Variants in CDADC1 observed in about 807,000 individuals in gnomAD.
The protein encoded by CDADC1 is dCTP deaminase.
CDADC1 carries 39 observed loss-of-function variants against 54.9 expected under a neutral mutation model. The observed-to-expected ratio is 0.71, with a 90% confidence interval of 0.55 to 0.93. The LOEUF (loss-of-function observed/expected upper bound fraction) is 0.93, where lower values mean the gene tolerates loss of function less well. Ranked by LOEUF, CDADC1 falls within the 40% of genes least tolerant of loss-of-function variation. The pLI is 0.00. For missense variants in CDADC1, 518 were observed against 618.8 expected (o/e 0.84, Z 1.73); for synonymous variants, 186 against 204.0 (o/e 0.91, Z 0.75).
chr13:49,259,247 TAAAC>T (rs915970163), intron 3 of CDADC1, 95 bp from the exon 4 acceptor site: 4 of 863,400 alleles, frequency 4.6e-6, no homozygotes, highest in South Asian at 2.3e-5. Context: ...GATAAAGAAT[TAAAC>T]AAAACTTCCA....
intron 4 of CDADC1, 66 bp from the exon 5 acceptor site, chr13:49,267,424 A>AT: frequency 7.7e-7 from 1 of 1,296,936 alleles, no homozygotes; most frequent in South Asian, 1.4e-5. Flanking sequence ...GATAGGGTGG[A>AT]TTTTATAATG....
At chr13:49,272,346 T>C (rs1952988636) in intron 5 of CDADC1, among the ~76,000 whole-genome samples, 1 of 152,230 alleles carries the variant, frequency 6.6e-6, no homozygotes, top group Non-Finnish European at 1.5e-5. Flanking sequence ...ATTTGTATTC[T>C]TGCCCACTCA....
chr13:49,249,326 A>G (rs1356734232), intron 2 of CDADC1, among the ~76,000 whole-genome samples: 1 of 152,230 alleles, frequency 6.6e-6, no homozygotes. Context: ...GATAGAGACC[A>G]TGTCTTATTT....
intron 8 of CDADC1, among the ~76,000 whole-genome samples, chr13:49,285,256 G>T (rs1281256510): frequency 1.4e-5 from 2 of 147,516 alleles, no homozygotes; most frequent in Non-Finnish European, 3.0e-5. Context: ...TCGGCTCACT[G>T]CAAGCTCCAC....
intron 8 of CDADC1, among the ~76,000 whole-genome samples, chr13:49,282,756 G>A (rs1302672278): frequency 1.3e-5 from 2 of 152,214 alleles, no homozygotes; most frequent in Non-Finnish European, 2.9e-5. Flanking sequence ...TCTGCCTCCG[G>A]CCAGATCAGC....
At position 49,248,905 on chromosome 13, in the gene CDADC1, C is replaced by A. The variant is rs758344803; in HGVS notation, c.117C>A (p.Phe39Leu). 1.9e-6 allele frequency: 3 copies of A among 1,612,502 alleles called. No individual in the cohort carries two copies. Among genetic ancestry groups the A allele is most frequent in the Admixed American group, 1.7e-5 (1 of 59,992 alleles). ...QIPRLSKVNLFTLLSLWMELF... is the reference protein window; with the variant it reads ...QIPRLSKVNLLTLLSLWMELF... ...CAAGGCTTTCTAAAGTCAACCTTTT[C>A]ACTCTGCTCAGCCTCTGGATGGAGC... is the stretch of plus-strand genomic sequence containing the variant. The change falls in exon 2 of 10, where the codon TTC becomes TTA. Residue 39 changes from phenylalanine to leucine, a missense_variant. Phe to Leu is a conservative substitution (Grantham distance 22, BLOSUM62 0). Transcript: ENST00000251108.
chr13:49,278,327 C>T (rs944785166), intron 6 of CDADC1, 23 bp from the exon 7 acceptor site: 1 of 1,473,660 alleles, frequency 6.8e-7, no homozygotes, highest in Non-Finnish European at 9.1e-7. Flanking sequence ...TGAAACTAAC[C>T]ATTGGTTTGC....
chr13:49,278,491 C>T lies in CDADC1; in HGVS notation c.1192C>T (p.His398Tyr). ...AATAAGGAAATTCAGATACATCATA[C>T]ATGCGGAACAGAATGCCTTGACATT... is the stretch of plus-strand genomic sequence containing the variant. Reference protein sequence around the residue: ...REIRKFRYIIHAEQNALTFRC... With the variant: ...REIRKFRYIIYAEQNALTFRC... Residue 398 changes from histidine to tyrosine, a missense_variant, in exon 7 of 10, where the codon CAT becomes TAT. By Grantham distance (83) the His-to-Tyr change is moderately conservative. Coordinates refer to ENST00000251108, the MANE Select transcript of CDADC1 (RefSeq NM_030911.4). 1 of 1,572,106 alleles carries T rather than the reference C, an allele frequency of 6.4e-7. No homozygotes were observed. The highest frequency in any genetic ancestry group is 8.7e-7 in the Non-Finnish European group (1 of 1,149,728).
chr13:49,283,383 C>A (rs563164079), intron 8 of CDADC1, among the ~76,000 whole-genome samples: 2 of 151,798 alleles, frequency 1.3e-5, no homozygotes, highest in East Asian at 2.0e-4. Flanking sequence ...GGGAAAGATA[C>A]CTTTTTTGTA....
intron 6 of CDADC1, among the ~76,000 whole-genome samples, chr13:49,275,798 C>G (rs1302942291): frequency 1.9e-4 from 21 of 111,376 alleles, no homozygotes; most frequent in South Asian, 3.1e-4. Flanking sequence ...GAGAGAGAGT[C>G]TCACTCTGTT....
intron 9 of CDADC1, among the ~76,000 whole-genome samples, chr13:49,287,414 A>T (rs1271120920): frequency 6.6e-6 from 1 of 152,204 alleles, no homozygotes; most frequent in Non-Finnish European, 1.5e-5. Flanking sequence ...TTTGGAAAAA[A>T]GTACATATCC....
At position 49,255,885 on chromosome 13, in the gene CDADC1, G is replaced by A. The variant is rs144018046; in HGVS notation, c.224G>A (p.Arg75Lys). 5.6e-6 allele frequency: 9 copies of A among 1,611,382 alleles called. No individual in the cohort carries two copies. The African/African-American group carries it at 1.1e-4, about 19-fold the overall frequency. The change falls in exon 3 of 10, where the codon AGG (arginine) becomes AAG (lysine). Residue 75 changes from arginine to lysine, a missense_variant. By Grantham distance (26) the Arg-to-Lys change is conservative. Coordinates refer to ENST00000251108, the MANE Select transcript of CDADC1 (RefSeq NM_030911.4). ...GGACCCTTAGGAGATAATGAAGAGAGGACCAGAGTATCTACTGACAAAAGA... is the reference window on the plus strand; with the variant it reads ...GGACCCTTAGGAGATAATGAAGAGAAGACCAGAGTATCTACTGACAAAAGA... Reference protein sequence around the residue: ...KHGPLGDNEERTRVSTDKRQV... With the variant: ...KHGPLGDNEEKTRVSTDKRQV...
chr13:49,274,391 A>G (rs772502156), intron 6 of CDADC1, 51 bp downstream of exon 6: 26 of 1,480,516 alleles, frequency 1.8e-5, no homozygotes, highest in Admixed American at 5.1e-5. Context: ...TTGTTTAAAC[A>G]TAGTTCAGTC....
At chr13:49,254,648 G>A (rs1039809284) in intron 2 of CDADC1, among the ~76,000 whole-genome samples, 4 of 152,052 alleles carry the variant, frequency 2.6e-5, no homozygotes, top group Admixed American at 1.3e-4. Flanking sequence ...TGATCTGTCC[G>A]CCTTAGCCTC....
Position 49,280,536 on chromosome 13 carries a change from A to G in CDADC1, c.1248A>G (p.Arg416=). The part of the protein sequence containing the change: ...FRCQEIKPEE[R]SMIFVTKCPC... ...GTCAAGAAATAAAACCAGAAGAAAG[A>G]AGCATGATTTTTGTGACAAAGTGCC... Residue 416 remains arginine (R), a synonymous_variant, in exon 8 of 10, where the codon AGA becomes AGG. Coordinates refer to ENST00000251108, the MANE Select transcript of CDADC1 (RefSeq NM_030911.4). 1 of 1,454,722 alleles carries G rather than the reference A, an allele frequency of 6.9e-7. No homozygotes were observed. The highest frequency in any genetic ancestry group is 9.1e-7 in the Non-Finnish European group (1 of 1,097,854). 90.1% of individuals were successfully genotyped at this position (1,454,722 alleles called of 1,614,324 possible).
intron 4 of CDADC1, 65 bp downstream of exon 4, chr13:49,259,588 T>C: frequency 6.7e-7 from 1 of 1,496,160 alleles, no homozygotes; most frequent in South Asian, 1.2e-5. Flanking sequence ...TGGTGGTTTA[T>C]GCCTGTCATC....
Position 49,258,759 on chromosome 13 carries a change from A to G in CDADC1, c.253-587A>G, listed in dbSNP as rs76200560. ...CTATAGTAGGAGGTGGGACCTAACT[A>G]TAGTAGTCTAGACTGCCATAGTGCT... On this transcript the variant is annotated intron_variant, in intron 3 of 9. Coordinates refer to ENST00000251108, the MANE Select transcript of CDADC1 (RefSeq NM_030911.4). 4.4e-3 allele frequency among the ~76,000 whole-genome samples: 667 copies of G among 152,330 alleles called. 4 individuals carry two copies. Among genetic ancestry groups the G allele is most frequent in the African/African-American group, 0.015 (635 of 41,568 alleles).
At chr13:49,283,695 T>C (rs1048437443) in intron 8 of CDADC1, among the ~76,000 whole-genome samples, 2 of 152,046 alleles carry the variant, frequency 1.3e-5, no homozygotes, top group African/African-American at 4.8e-5. Flanking sequence ...TAAGGGGATC[T>C]TCAGGGGCAG....
chr13:49,272,929 A>G (rs1274761737), intron 5 of CDADC1, among the ~76,000 whole-genome samples: 1 of 152,100 alleles, frequency 6.6e-6, no homozygotes, highest in African/African-American at 2.4e-5. Flanking sequence ...AGCAGGTTGG[A>G]TCTGGAGGGC....
Sources: allele counts gnomAD v4.1 joint callset (sites outside exome capture counted in the v4.1 genomes callset), GRCh38; gene constraint gnomAD v4.1.1; transcripts MANE v1.5; gene names NCBI Gene and HGNC (gene_info 2026-07-23, HGNC 2026-07-21).